PAK2: variants seen among roughly 807,000 people sequenced by gnomAD.
PAK2 encodes serine/threonine-protein kinase PAK 2.
PAK2 carries 21 observed loss-of-function variants against 65.9 expected under a neutral mutation model. The ratio of observed to expected loss-of-function variants is 0.32; its 90% CI spans 0.23 to 0.46. The LOEUF is 0.46. Among genes scored for constraint, PAK2 ranks in the 20% least tolerant of loss-of-function variants. The probability of loss-of-function intolerance (pLI) is 1.00; values close to 1 mark genes in which losing one functional copy is unlikely to be tolerated. For synonymous variants in PAK2, 204 were observed against 219.7 expected (o/e 0.93, Z 0.63); for missense variants, 324 against 642.6 (o/e 0.50, Z 5.36).
chr3:196,768,567 G>C (rs73074618), intron 1 of PAK2, among the ~76,000 whole-genome samples: 4,538 of 151,930 alleles, frequency 0.03, 109 homozygotes, highest in Middle Eastern at 0.068. Context: ...GAGTGCAGTG[G>C]CAACCCCAAC....
At chr3:196,759,595 C>T (rs1056893277) in intron 1 of PAK2, among the ~76,000 whole-genome samples, 12 of 142,370 alleles carry the variant, frequency 8.4e-5, no homozygotes, top group Non-Finnish European at 1.5e-4. Context: ...GGCGTGATCT[C>T]GGCCCACTGC....
chr3:196,767,265 A>G (rs565625493), intron 1 of PAK2, among the ~76,000 whole-genome samples: 9 of 152,082 alleles, frequency 5.9e-5, no homozygotes, highest in Non-Finnish European at 1.2e-4. Flanking sequence ...TTTTGTGAGT[A>G]TATCCTTTGG....
intron 2 of PAK2, among the ~76,000 whole-genome samples, chr3:196,793,994 G>C (rs146361124): frequency 7.2e-5 from 11 of 152,018 alleles, no homozygotes; most frequent in African/African-American, 2.7e-4. Flanking sequence ...AGCTGGGCTC[G>C]GTGGCGTACA....
At chr3:196,768,154 G>C (rs553668828) in intron 1 of PAK2, among the ~76,000 whole-genome samples, 4 of 152,214 alleles carry the variant, frequency 2.6e-5, no homozygotes, top group Admixed American at 2.0e-4. Flanking sequence ...TCAACACGTG[G>C]TGGGACACTG....
intron 1 of PAK2, among the ~76,000 whole-genome samples, chr3:196,759,760 C>A (rs998648537): frequency 1.3e-5 from 2 of 151,770 alleles, no homozygotes; most frequent in African/African-American, 4.8e-5. Context: ...CTCCTGAGCT[C>A]GTGATCTGCC....
intron 6 of PAK2, 98 bp downstream of exon 6, chr3:196,806,784 C>A: frequency 1.3e-6 from 1 of 747,342 alleles, no homozygotes; most frequent in Non-Finnish European, 2.3e-6. Context: ...TTTAAAAAGC[C>A]CTCAAGTTTA....
Position 196,810,606 on chromosome 3 carries a change from A to G in PAK2, c.726A>G (p.Ile242Met). ...IMEKLRTIVS[I>M]GDPKKKYTRY... ...TTATTCTAGGAACTATCGTGAGCAT[A>G]GGTGACCCTAAGAAAAAATATACAA... The change falls in exon 8 of 15, where the codon ATA becomes ATG. Residue 242 changes from isoleucine to methionine, a missense_variant. Transcript: ENST00000327134. The G allele has an allele frequency of 6.4e-7, 1 of 1,570,974 alleles. No individual in the cohort carries two copies. The highest frequency in any genetic ancestry group is 8.8e-7 in the Non-Finnish European group (1 of 1,141,456).
intron 2 of PAK2, among the ~76,000 whole-genome samples, chr3:196,783,327 A>G (rs1714772801): frequency 6.6e-6 from 1 of 152,180 alleles, no homozygotes; most frequent in Non-Finnish European, 1.5e-5. Context: ...ATATATGTCT[A>G]GTTCAGGGTT....
chr3:196,745,133 T>G (rs1016584447), intron 1 of PAK2, among the ~76,000 whole-genome samples: 5 of 126,270 alleles, frequency 4.0e-5, no homozygotes, highest in East Asian at 2.1e-4. Context: ...TTTTTTTTTT[T>G]GTGACAGAGT....
At chr3:196,754,479 G>A (rs1449272529) in intron 1 of PAK2, among the ~76,000 whole-genome samples, 1 of 152,142 alleles carries the variant, frequency 6.6e-6, no homozygotes, top group Non-Finnish European at 1.5e-5. Flanking sequence ...TTCCAGTGAT[G>A]AACAGACATT....
chr3:196,818,890 G>C (rs1711562310), intron 12 of PAK2, among the ~76,000 whole-genome samples: 1 of 152,050 alleles, frequency 6.6e-6, no homozygotes, highest in Non-Finnish European at 1.5e-5. Context: ...TTACCATGCG[G>C]ATTAAATATT....
intron 1 of PAK2, among the ~76,000 whole-genome samples, chr3:196,769,372 G>C (rs1392346924): frequency 3.9e-5 from 6 of 151,932 alleles, no homozygotes; most frequent in African/African-American, 7.3e-5. Context: ...CTAGTTTTTT[G>C]TTGTGCTGCT....
At chr3:196,751,694 T>TATATATATATATA (rs1211217848) in intron 1 of PAK2, among the ~76,000 whole-genome samples, 13 of 45,772 alleles carry the variant, frequency 2.8e-4, no homozygotes, top group South Asian at 1.1e-3. Flanking sequence ...TATATATATA[T>TATATATATATATA]AATTCAGGCT....
At chr3:196,773,050 G>T (rs145064346) in intron 1 of PAK2, among the ~76,000 whole-genome samples, 2 of 152,106 alleles carry the variant, frequency 1.3e-5, no homozygotes, top group Non-Finnish European at 2.9e-5. Flanking sequence ...TCCGCTGTTC[G>T]TTTCTGCTGT....
At chr3:196,822,024 A>G (rs534609415) in intron 13 of PAK2, among the ~76,000 whole-genome samples, 2 of 152,300 alleles carry the variant, frequency 1.3e-5, no homozygotes, top group Admixed American at 6.5e-5. Flanking sequence ...AAGCCGAACA[A>G]CAGATGGCAG....
intron 2 of PAK2, among the ~76,000 whole-genome samples, chr3:196,789,965 G>A (rs1240000929): frequency 6.6e-6 from 1 of 152,174 alleles, no homozygotes; most frequent in Non-Finnish European, 1.5e-5. Flanking sequence ...CTCAGGCGGT[G>A]GTGCTCACTC....
Position 196,771,554 on chromosome 3 carries a change from A to G in PAK2, c.-21-11072A>G, listed in dbSNP as rs540175091. Among the ~76,000 whole-genome samples, 72 of 150,280 alleles carry G rather than the reference A, an allele frequency of 4.8e-4. No homozygotes were observed. The Middle Eastern group carries it at 0.017, about 35-fold the overall frequency. ...ATCTAATCTACTCATCTCCTCTTTC[A>G]TATTTTCTTTTTCTGTTTTTTTTGA... On this transcript the variant is annotated intron_variant, in intron 1 of 14. Coordinates refer to ENST00000327134, the MANE Select transcript of PAK2 (RefSeq NM_002577.4).
At chr3:196,810,540 A>G (rs888975491) in intron 7 of PAK2, 50 bp from the exon 8 acceptor site, 1 of 943,458 alleles carries the variant, frequency 1.1e-6, no homozygotes. Context: ...ATCACAATCA[A>G]TTTACACTTA....
At chr3:196,756,441 C>T (rs1304287546) in intron 1 of PAK2, among the ~76,000 whole-genome samples, 2 of 152,192 alleles carry the variant, frequency 1.3e-5, no homozygotes, top group African/African-American at 4.8e-5. Context: ...AGCAGCTTAA[C>T]TCATTTCAGA....
Sources: allele counts gnomAD v4.1 joint callset (sites outside exome capture counted in the v4.1 genomes callset), GRCh38; gene constraint gnomAD v4.1.1; transcripts MANE v1.5; gene names NCBI Gene and HGNC (gene_info 2026-07-23, HGNC 2026-07-21).